Variants in ENOX1 observed in about 807,000 individuals in gnomAD.
ENOX1 encodes candidate growth-related and time keeping constitutive hydroquinone (NADH) oxidase.
In ENOX1, 42 loss-of-function variants were observed where a neutral mutation model predicts 82.5. The observed-to-expected ratio is 0.51, with a 90% CI of 0.40 to 0.66. ENOX1 has a LOEUF of 0.66. ENOX1 is among the 30% of genes least tolerant of loss of function. The probability of loss-of-function intolerance (pLI) is 0.00; values close to 1 mark genes in which losing one functional copy is unlikely to be tolerated. For missense variants in ENOX1, 608 were observed against 811.6 expected, an observed-to-expected ratio of 0.75 and a Z score of 3.05; for synonymous variants, 271 against 282.2, an observed-to-expected ratio of 0.96 and a Z score of 0.40.
chr13:43,331,495 C>G (rs758446174), intron 9 of ENOX1, among the ~76,000 whole-genome samples: 5 of 152,260 alleles, frequency 3.3e-5, no homozygotes, highest in Non-Finnish European at 1.5e-5. Context: ...GTACACAGGA[C>G]ATTTTTCTTT....
intron 12 of ENOX1, among the ~76,000 whole-genome samples, chr13:43,282,716 A>G (rs986170436): frequency 1.3e-5 from 2 of 151,508 alleles, no homozygotes; most frequent in South Asian, 2.1e-4. Flanking sequence ...GAGCCACCAC[A>G]CCCACCCTTG....
chr13:43,421,478 A>G (rs559654824), intron 3 of ENOX1, among the ~76,000 whole-genome samples: 80 of 152,306 alleles, frequency 5.3e-4, no homozygotes, highest in African/African-American at 1.7e-3. Context: ...TATGTCCCAA[A>G]AGCATAAGTT....
At chr13:43,514,682 G>A (rs1203775085) in intron 2 of ENOX1, among the ~76,000 whole-genome samples, 1 of 152,120 alleles carries the variant, frequency 6.6e-6, no homozygotes, top group African/African-American at 2.4e-5. Flanking sequence ...CTTACTGCCA[G>A]TCCTATTTTG....
intron 12 of ENOX1, among the ~76,000 whole-genome samples, chr13:43,273,558 C>T (rs140024952): frequency 1.2e-3 from 184 of 152,274 alleles, no homozygotes; most frequent in African/African-American, 4.1e-3. Flanking sequence ...TTGCTTTTGG[C>T]CCAAGATCAA....
intron 3 of ENOX1, among the ~76,000 whole-genome samples, chr13:43,460,407 T>C (rs1017115860): frequency 6.6e-6 from 1 of 152,126 alleles, no homozygotes; most frequent in Non-Finnish European, 1.5e-5. Flanking sequence ...ACCACCTCTG[T>C]GGTATCCAAG....
At chr13:43,675,072 G>T (rs9533578) in intron 1 of ENOX1, among the ~76,000 whole-genome samples, 1 of 152,062 alleles carries the variant, frequency 6.6e-6, no homozygotes, top group African/African-American at 2.4e-5. Context: ...GCACCAAGAA[G>T]CCACTGAATA....
At chr13:43,509,096 C>A (rs2077275779) in intron 2 of ENOX1, among the ~76,000 whole-genome samples, 1 of 151,934 alleles carries the variant, frequency 6.6e-6, no homozygotes, top group East Asian at 1.9e-4. Flanking sequence ...GCAATGTCTT[C>A]TACACATTCT....
intron 2 of ENOX1, among the ~76,000 whole-genome samples, chr13:43,613,587 G>A (rs1160843891): frequency 6.6e-6 from 1 of 152,016 alleles, no homozygotes; most frequent in African/African-American, 2.4e-5. Context: ...TGAAAGAGGA[G>A]GGATTATAAC....
rs35359203 is a variant in ENOX1 at position 43,772,749 on chromosome 13, T to TAAAAAAAAAAAAA, written c.-285+13890_-285+13902dup. Reference sequence around the variant, plus strand: ...GGGCGACAGAGCAAGACTCTGTCTTTAAAAAAAAAAAAAAAAAAAAAAGAA... The same window carrying TAAAAAAAAAAAAA: ...GGGCGACAGAGCAAGACTCTGTCTTTAAAAAAAAAAAAAAAAAAAAAAAAAAAAAAAAAAAGAA... On this transcript the variant is annotated intron_variant, in intron 1 of 16. Transcript: ENST00000690772. 4.2e-3 allele frequency among the ~76,000 whole-genome samples: 470 copies of TAAAAAAAAAAAAA among 111,974 alleles called. 7 individuals are homozygous for TAAAAAAAAAAAAA. Among genetic ancestry groups the TAAAAAAAAAAAAA allele is most frequent in the African/African-American group, 9.1e-3 (235 of 25,866 alleles). The allele number at this position is 111,974 out of a possible 152,430, so 73.5% of individuals were successfully genotyped here. A position where few individuals can be genotyped will look rare whatever the true frequency, so the allele number is the denominator to read the frequency against.
At chr13:43,653,144 A>G (rs996823081) in intron 2 of ENOX1, among the ~76,000 whole-genome samples, 26 of 152,208 alleles carry the variant, frequency 1.7e-4, no homozygotes, top group Non-Finnish European at 3.2e-4. Context: ...CTGCTCTGCT[A>G]CTGGAGGTGT....
chr13:43,525,153 G>A (rs997032533), intron 2 of ENOX1, among the ~76,000 whole-genome samples: 10 of 152,052 alleles, frequency 6.6e-5, no homozygotes, highest in African/African-American at 1.4e-4. Context: ...TAAATGTACC[G>A]TGCAGTAGCA....
chr13:43,541,179 T>TTTTTTTTTTTTTG (rs2078703439), intron 2 of ENOX1, among the ~76,000 whole-genome samples: 1 of 37,276 alleles, frequency 2.7e-5, no homozygotes, highest in African/African-American at 1.0e-4. Flanking sequence ...CTCTGTTTTT[T>TTTTTTTTTTTTTG]TTTTTTTTTT....
intron 3 of ENOX1, among the ~76,000 whole-genome samples, chr13:43,446,807 C>T (rs572319427): frequency 6.6e-6 from 1 of 152,298 alleles, no homozygotes; most frequent in South Asian, 2.1e-4. Context: ...ATTCCTATTC[C>T]ACAGTCTCCA....
In ENOX1 at chr13:43,670,660, C is replaced by T. The variant is rs977930779; in HGVS notation, c.-284-3116G>A. Among the ~76,000 whole-genome samples, 7 of 152,120 alleles carry T rather than the reference C, an allele frequency of 4.6e-5. No homozygotes were observed. In the East Asian group the frequency reaches 1.2e-3, roughly 25 times the overall value. ...CTTGAGGTCAGGAGTTCGAGACCAA[C>T]CTAGCCAACATGATGAAACCCCACT... On this transcript the variant is annotated intron_variant, in intron 1 of 16. Transcript: ENST00000690772.
At chr13:43,269,928 TCA>T (rs2044591900) in intron 12 of ENOX1, among the ~76,000 whole-genome samples, 2 of 152,220 alleles carry the variant, frequency 1.3e-5, no homozygotes, top group Admixed American at 1.3e-4. Context: ...CAACGTTGCT[TCA>T]TTTCACATAT....
At chr13:43,264,361 T>C (rs368303150) in intron 14 of ENOX1, among the ~76,000 whole-genome samples, 1 of 152,230 alleles carries the variant, frequency 6.6e-6, no homozygotes, top group Non-Finnish European at 1.5e-5. Context: ...CAGTTGTAAG[T>C]TCCCCGAGGG....
intron 15 of ENOX1, among the ~76,000 whole-genome samples, chr13:43,227,216 C>T (rs1014110679): frequency 3.3e-5 from 5 of 152,120 alleles, no homozygotes; most frequent in African/African-American, 1.2e-4. Context: ...ATGGGAGGAC[C>T]TAGAGTGCCT....
At chr13:43,668,344 TAAGA>T (rs1338444715) in intron 1 of ENOX1, among the ~76,000 whole-genome samples, 1 of 152,162 alleles carries the variant, frequency 6.6e-6, no homozygotes, top group African/African-American at 2.4e-5. Context: ...GCTAGAATCA[TAAGA>T]AATAGGTTGC....
At chr13:43,650,637 G>C (rs1226874364) in intron 2 of ENOX1, among the ~76,000 whole-genome samples, 1 of 138,056 alleles carries the variant, frequency 7.2e-6, no homozygotes, top group Non-Finnish European at 1.5e-5. Flanking sequence ...TCAGGAGTTC[G>C]AGACCATCCT....
Sources: gnomAD v4.1 joint callset for allele counts (sites outside exome capture counted in the v4.1 genomes callset) on GRCh38, gnomAD v4.1.1 for gene constraint, MANE v1.5 for transcripts, NCBI Gene and HGNC (gene_info 2026-07-23, HGNC 2026-07-21) for gene names.